The following ATP2C2 variants were observed in gnomAD, a reference collection of about 807,000 sequenced individuals.
ATP2C2 encodes the protein ATPase secretory pathway Ca2+ transporting 2.
ATP2C2 carries 171 observed loss-of-function variants against 110.8 expected under a neutral mutation model. The observed-to-expected ratio is 1.54, with a 90% confidence interval of 1.36 to 1.75. The LOEUF is 1.75. Ranked by LOEUF, ATP2C2 falls within the 40% of genes most tolerant of loss-of-function variation. The probability of loss-of-function intolerance (pLI) is 0.00; values close to 1 mark genes in which losing one functional copy is unlikely to be tolerated. For synonymous variants in ATP2C2, 804 were observed against 508.4 expected (o/e 1.58, Z -7.82); for missense variants, 1,963 against 1,235.0 (o/e 1.59, Z -8.84).
Position 84,422,541 on chromosome 16 carries a change from T to G in ATP2C2, c.774+2T>G. ...CTGGTGCAGTATGGGAGGGGCCAGG[T>G]AAGCCCTGGGACACCGAGGCCTTGG... On this transcript the variant is annotated splice_donor_variant, in intron 8 of 26. Transcript: ENST00000262429. LOFTEE classifies it high-confidence loss of function. 1.2e-6 allele frequency: 2 copies of G among 1,613,832 alleles called. No homozygotes were observed. Among genetic ancestry groups the G allele is most frequent in the Non-Finnish European group, 1.7e-6 (2 of 1,179,878 alleles).
intron 10 of ATP2C2, among the ~76,000 whole-genome samples, chr16:84,424,711 T>C (rs757474254): frequency 1.3e-5 from 2 of 151,926 alleles, no homozygotes; most frequent in Non-Finnish European, 2.9e-5. Flanking sequence ...TGGTCAGCGC[T>C]TCTAGAGGAA....
Position 84,461,950 on chromosome 16 carries a change from G to A in ATP2C2, c.2581-38G>A, listed in dbSNP as rs201360668. 1,476 of 1,610,084 alleles carry A rather than the reference G, an allele frequency of 9.2e-4. 21 individuals are homozygous for A. In the South Asian group the frequency reaches 0.014, roughly 15 times the overall value. On this transcript the variant is annotated intron_variant, in intron 25 of 26. Transcript: ENST00000262429. ...CTCCCCTGCCTGTACCTGGGGTGTG[G>A]ACAGCACACAATCCCCCGTGTGACC...
intron 18 of ATP2C2, among the ~76,000 whole-genome samples, chr16:84,452,653 C>G (rs543018477): frequency 2.0e-5 from 3 of 152,034 alleles, no homozygotes. Flanking sequence ...CACCCACCAC[C>G]GCGCCCAGCT....
chr16:84,405,956 A>G (rs1285725432), intron 3 of ATP2C2, among the ~76,000 whole-genome samples: 7 of 152,208 alleles, frequency 4.6e-5, no homozygotes, highest in African/African-American at 1.7e-4. Flanking sequence ...TTTCAGATAG[A>G]TAAACAAGAA....
At position 84,461,974 on chromosome 16, in the gene ATP2C2, C is replaced by A; in HGVS notation, c.2581-14C>A. ...GGACAGCACACAATCCCCCGTGTGACCTTCTCCCTGCAGACCAAGCTGATA... is the reference window on the plus strand; with the variant it reads ...GGACAGCACACAATCCCCCGTGTGAACTTCTCCCTGCAGACCAAGCTGATA... On this transcript the variant is annotated splice_polypyrimidine_tract_variant and intron_variant, in intron 25 of 26. Coordinates refer to ENST00000262429, the MANE Select transcript of ATP2C2 (RefSeq NM_014861.4). The A allele has an allele frequency of 6.2e-7, 1 of 1,612,244 alleles. No individual in the cohort carries two copies. Among genetic ancestry groups the A allele is most frequent in the Non-Finnish European group, 8.5e-7 (1 of 1,178,594 alleles).
At chr16:84,459,992 T>C in intron 23 of ATP2C2, 1 of 246,056 alleles carries the variant, frequency 4.1e-6, no homozygotes, top group Non-Finnish European at 8.1e-6. Context: ...GGGACCCATC[T>C]GGCCACGTGT....
intron 1 of ATP2C2, among the ~76,000 whole-genome samples, chr16:84,379,501 G>C (rs1298937953): frequency 6.6e-6 from 1 of 152,162 alleles, no homozygotes; most frequent in African/African-American, 2.4e-5. Context: ...TCCAAGTGTG[G>C]GCTGGGGACC....
intron 14 of ATP2C2, 25 bp from the exon 15 acceptor site, chr16:84,442,485 A>T (rs755395944): frequency 6.2e-7 from 1 of 1,612,376 alleles, no homozygotes; most frequent in South Asian, 1.1e-5. Context: ...TACTAACTAC[A>T]GATGTCCGGA....
chr16:84,412,285 C>G (rs1017492510), intron 6 of ATP2C2, among the ~76,000 whole-genome samples: 2 of 74,554 alleles, frequency 2.7e-5, no homozygotes, highest in African/African-American at 7.5e-5. Flanking sequence ...TACGTGTGTG[C>G]ACGTATGTGT....
rs565825395 is a variant in ATP2C2 at position 84,386,225 on chromosome 16, G to A, written c.100-12274G>A. On this transcript the variant is annotated intron_variant, in intron 1 of 26. Transcript: ENST00000262429. ...TAGTATGTGTTCATTGTTACTGGGT[G>A]CCATGGCTCCTGGGCCCTCTCAGTG... Among the ~76,000 whole-genome samples the A allele has an allele frequency of 2.0e-5, 3 of 152,278 alleles. No individual in the cohort carries two copies. The South Asian group carries it at 6.2e-4, about 32-fold the overall frequency.
At chr16:84,422,314 G>T in intron 7 of ATP2C2, 76 bp from the exon 8 acceptor site, 1 of 1,506,182 alleles carries the variant, frequency 6.6e-7, no homozygotes, top group South Asian at 1.2e-5. Context: ...GAAGGTGCTG[G>T]TACCATTTTG....
At chr16:84,423,077 C>A (rs1011354898) in intron 9 of ATP2C2, 111 bp from the exon 10 acceptor site, 21 of 849,602 alleles carry the variant, frequency 2.5e-5, no homozygotes, top group Non-Finnish European at 3.7e-5. Flanking sequence ...ATATGTGTAC[C>A]CCTGTGTAAT....
chr16:84,377,145 A>G (rs1910296994), intron 1 of ATP2C2, among the ~76,000 whole-genome samples: 1 of 152,012 alleles, frequency 6.6e-6, no homozygotes, highest in Admixed American at 6.6e-5. Flanking sequence ...CGAGTAGTGG[A>G]AGCCGTGTGC....
At chr16:84,458,901 C>A (rs1567463864) in intron 21 of ATP2C2, among the ~76,000 whole-genome samples, 1 of 152,200 alleles carries the variant, frequency 6.6e-6, no homozygotes, top group African/African-American at 2.4e-5. Context: ...GAAGGGCGAA[C>A]ATGGCTCAAG....
intron 6 of ATP2C2, among the ~76,000 whole-genome samples, chr16:84,412,386 ATG>A (rs1414579305): frequency 1.3e-4 from 13 of 98,150 alleles, no homozygotes; most frequent in African/African-American, 4.3e-4. Context: ...GTGTGTGTAT[ATG>A]TGTCTGTGTG....
rs538353297 is a variant in ATP2C2, at chr16:84,370,633, G to A, written c.99+1919G>A. 4.0e-5 allele frequency among the ~76,000 whole-genome samples: 6 copies of A among 151,340 alleles called. No individual in the cohort carries two copies. In the East Asian group the frequency reaches 5.8e-4, roughly 15 times the overall value. On this transcript the variant is annotated intron_variant, in intron 1 of 26. Coordinates refer to ENST00000262429, the MANE Select transcript of ATP2C2 (RefSeq NM_014861.4). ...TTCTCCCAGGGTTTGGAAAGGAGGC[G>A]ATGTGTGTTGAGGTGATCACTTCTA...
intron 11 of ATP2C2, among the ~76,000 whole-genome samples, chr16:84,437,382 A>G (rs1908837666): frequency 6.6e-6 from 1 of 151,486 alleles, no homozygotes; most frequent in Non-Finnish European, 1.5e-5. Context: ...ATATGTATAT[A>G]TAATTTTTTT....
At chr16:84,395,394 G>A (rs972185375) in intron 1 of ATP2C2, among the ~76,000 whole-genome samples, 1 of 151,928 alleles carries the variant, frequency 6.6e-6, no homozygotes, top group Non-Finnish European at 1.5e-5. Context: ...GATGTCCAGA[G>A]CACGTGACAA....
At position 84,446,323 on chromosome 16, in the gene ATP2C2, T is replaced by C. The variant is rs200668083; in HGVS notation, c.1402-6T>C. 4.0e-5 allele frequency: 62 copies of C among 1,536,640 alleles called. 2 individuals are homozygous for C. In the Middle Eastern group the frequency reaches 6.6e-4, roughly 16 times the overall value. Reference sequence around the variant, plus strand: ...TCACTAAAAATGTGTCATTTTATTATGCTAGATGGACTTAAGTGATATTAA... The same window carrying C: ...TCACTAAAAATGTGTCATTTTATTACGCTAGATGGACTTAAGTGATATTAA... On this transcript the variant is annotated splice_region_variant and splice_polypyrimidine_tract_variant and intron_variant, in intron 15 of 26. Transcript: ENST00000262429.
Sources: gnomAD v4.1 joint callset for allele counts (sites outside exome capture counted in the v4.1 genomes callset) on GRCh38, gnomAD v4.1.1 for gene constraint, MANE v1.5 for transcripts, NCBI Gene and HGNC (gene_info 2026-07-23, HGNC 2026-07-21) for gene names.